DYNC2H1: variants seen among roughly 807,000 people sequenced by gnomAD.
DYNC2H1 encodes cytoplasmic dynein 2 heavy chain 1.
In DYNC2H1, 410 loss-of-function variants were observed where a neutral mutation model predicts 570.0. The ratio of observed to expected loss-of-function variants is 0.72; its 90% CI spans 0.66 to 0.78. The LOEUF (loss-of-function observed/expected upper bound fraction) is 0.78, where lower values mean the gene tolerates loss of function less well. Ranked by LOEUF, DYNC2H1 falls within the 30% of genes least tolerant of loss-of-function variation. The pLI is 0.00. For missense variants in DYNC2H1, 4,865 were observed against 5,046.4 expected (o/e 0.96, Z 1.09); for synonymous variants, 1,688 against 1,677.6 (o/e 1.01, Z -0.15).
chr11:103,152,506 A>C (rs1030778339), intron 21 of DYNC2H1, among the ~76,000 whole-genome samples: 1 of 152,118 alleles, frequency 6.6e-6, no homozygotes, highest in Non-Finnish European at 1.5e-5. Flanking sequence ...TGTCTTTGAA[A>C]TGTAACATTA....
intron 85 of DYNC2H1, among the ~76,000 whole-genome samples, chr11:103,452,465 T>A (rs1490249788): frequency 6.6e-6 from 1 of 152,038 alleles, no homozygotes; most frequent in Non-Finnish European, 1.5e-5. Context: ...TTTCATTGCT[T>A]ATAGCCAATA....
chr11:103,330,922 G>A (rs987848884), intron 82 of DYNC2H1, among the ~76,000 whole-genome samples: 9 of 152,190 alleles, frequency 5.9e-5, no homozygotes, highest in African/African-American at 2.2e-4. Flanking sequence ...AAGGAAGGCA[G>A]TTGTAGTCAA....
At chr11:103,304,441 T>A (rs1310015224) in intron 76 of DYNC2H1, among the ~76,000 whole-genome samples, 154 bp from the exon 77 acceptor site, 1 of 152,190 alleles carries the variant, frequency 6.6e-6, no homozygotes, top group East Asian at 1.9e-4. Flanking sequence ...TTAATGAAGA[T>A]TAATTTCTGG....
At chr11:103,174,215 T>A (rs1400907922) in intron 36 of DYNC2H1, 45 bp downstream of exon 36, 2 of 1,445,122 alleles carry the variant, frequency 1.4e-6, no homozygotes, top group African/African-American at 2.8e-5. Context: ...TTTAAAAACA[T>A]AAGCGTTAAT....
Position 103,472,140 on chromosome 11 carries a change from C to T in DYNC2H1, c.12765+3435C>T, listed in dbSNP as rs1421089439. 6.6e-6 allele frequency among the ~76,000 whole-genome samples: 1 copy of T among 152,066 alleles called. No homozygotes were observed. Among genetic ancestry groups the T allele is most frequent in the African/African-American group, 2.4e-5 (1 of 41,416 alleles). Reference sequence around the variant, plus strand: ...TCATATGGAAGAATGGTGGGGGATGCGGCCAGAAAGGAAGGCCAAGACCAA... The same window carrying T: ...TCATATGGAAGAATGGTGGGGGATGTGGCCAGAAAGGAAGGCCAAGACCAA... On this transcript the variant is annotated intron_variant, in intron 88 of 88. Coordinates refer to ENST00000375735, the MANE Select transcript of DYNC2H1 (RefSeq NM_001377.3). This position sits in a 1 kb window ranked among gnomAD's most constrained non-coding sequence, Gnocchi z 4.1.
At chr11:103,220,808 T>C (rs1333662813) in intron 57 of DYNC2H1, 25 bp downstream of exon 57, 1 of 1,587,314 alleles carries the variant, frequency 6.3e-7, no homozygotes, top group East Asian at 2.3e-5. Flanking sequence ...TTGTGAAAAA[T>C]ATTATTTCGG....
At chr11:103,387,150 T>C (rs930210159) in intron 83 of DYNC2H1, among the ~76,000 whole-genome samples, 2 of 152,182 alleles carry the variant, frequency 1.3e-5, no homozygotes, top group African/African-American at 4.8e-5. Flanking sequence ...CTCCACATCC[T>C]CTCCAGCACC....
intron 83 of DYNC2H1, among the ~76,000 whole-genome samples, chr11:103,359,896 G>A (rs1386512421): frequency 2.6e-5 from 4 of 151,866 alleles, no homozygotes; most frequent in South Asian, 2.1e-4. Context: ...AACTCCTGAC[G>A]TCAGGTGGTC....
chr11:103,423,489 AT>A (rs1247612398), intron 84 of DYNC2H1, among the ~76,000 whole-genome samples: 1 of 151,706 alleles, frequency 6.6e-6, no homozygotes, highest in Non-Finnish European at 1.5e-5. Context: ...CAAAGTAATC[AT>A]AAACATTAAT....
intron 87 of DYNC2H1, among the ~76,000 whole-genome samples, chr11:103,464,726 A>C (rs1374027614): frequency 6.6e-6 from 1 of 152,218 alleles, no homozygotes; most frequent in Non-Finnish European, 1.5e-5. Flanking sequence ...TAATTCAATA[A>C]TGAAAGCAAT....
chr11:103,314,870 C>T (rs1937728272), intron 79 of DYNC2H1, among the ~76,000 whole-genome samples: 1 of 152,024 alleles, frequency 6.6e-6, no homozygotes, highest in Middle Eastern at 3.4e-3. Context: ...AAATACTGAT[C>T]TTCAAGGTAT....
Position 103,479,279 on chromosome 11 carries a change from T to TCACAAAAGGC in DYNC2H1, c.*35_*36insCCACAAAAGG. On this transcript the variant is annotated 3_prime_UTR_variant, in exon 89 of 89. Coordinates refer to ENST00000375735, the MANE Select transcript of DYNC2H1 (RefSeq NM_001377.3). The stretch of plus-strand genomic sequence containing the variant: ...AATCTAATGACAACAAAAGCCATCT[T>TCACAAAAGGC]CACAAAAGGGAACATTGATTCTTTA... 1 of 1,596,942 alleles carries TCACAAAAGGC rather than the reference T, an allele frequency of 6.3e-7. No homozygotes were observed. The highest frequency in any genetic ancestry group is 8.5e-7 in the Non-Finnish European group (1 of 1,170,230).
chr11:103,170,039 A>T lies in DYNC2H1; in HGVS notation c.4969-69A>T, dbSNP rs1022002560. The T allele has an allele frequency of 3.8e-6, 5 of 1,323,798 alleles. No individual in the cohort carries two copies. The highest frequency in any genetic ancestry group is 1.5e-5 in the African/African-American group (1 of 66,292). 82.0% of individuals were successfully genotyped at this position (1,323,798 alleles called of 1,614,324 possible). On this transcript the variant is annotated intron_variant, in intron 32 of 88. Transcript: ENST00000375735. The surrounding 1 kb of genome is among the most constrained non-coding windows in gnomAD (Gnocchi z 4.8). Reference sequence around the variant, plus strand: ...TTTTTATCTTTTTAACTACAATCTCATGCTGTAAAAATATTTGTAAATGTT... The same window carrying T: ...TTTTTATCTTTTTAACTACAATCTCTTGCTGTAAAAATATTTGTAAATGTT...
chr11:103,288,428 G>A (rs1329689008), intron 75 of DYNC2H1, among the ~76,000 whole-genome samples: 1 of 151,924 alleles, frequency 6.6e-6, no homozygotes, highest in Non-Finnish European at 1.5e-5. Context: ...ACCTTGGGAA[G>A]GAATTTAGTT....
At chr11:103,378,626 T>C (rs1425574903) in intron 83 of DYNC2H1, among the ~76,000 whole-genome samples, 3 of 152,224 alleles carry the variant, frequency 2.0e-5, no homozygotes, top group Admixed American at 6.5e-5. Flanking sequence ...ATCAGTGGTG[T>C]CTGGCTCAAG....
intron 83 of DYNC2H1, among the ~76,000 whole-genome samples, chr11:103,377,439 G>A (rs1202140685): frequency 6.6e-6 from 1 of 151,762 alleles, no homozygotes; most frequent in Non-Finnish European, 1.5e-5. Flanking sequence ...TTTCAATAAA[G>A]TAACATCATA....
At position 103,335,624 on chromosome 11, in the gene DYNC2H1, C is replaced by T. The variant is rs533510235; in HGVS notation, c.12039+11634C>T. ...GCTAGAATTATATGAAATACGGTTA[C>T]TACATTTATTACAAACCAAACTATT... On this transcript the variant is annotated intron_variant, in intron 82 of 88. Coordinates refer to ENST00000375735, the MANE Select transcript of DYNC2H1 (RefSeq NM_001377.3). Among the ~76,000 whole-genome samples the T allele has an allele frequency of 2.6e-5, 4 of 152,164 alleles. No homozygotes were observed. In the South Asian group the frequency reaches 8.3e-4, roughly 32 times the overall value.
intron 70 of DYNC2H1, among the ~76,000 whole-genome samples, chr11:103,278,880 T>C (rs964418250): frequency 6.6e-6 from 1 of 152,214 alleles, no homozygotes; most frequent in Non-Finnish European, 1.5e-5. Flanking sequence ...TGTGGGTTCT[T>C]AATGCCCATG....
chr11:103,453,186 T>C (rs903927497), intron 85 of DYNC2H1, among the ~76,000 whole-genome samples: 1 of 152,062 alleles, frequency 6.6e-6, no homozygotes, highest in African/African-American at 2.4e-5. Flanking sequence ...AACCTAATCC[T>C]TTAAAAGGGG....
Sources: allele counts gnomAD v4.1 joint callset (sites outside exome capture counted in the v4.1 genomes callset), GRCh38; gene constraint gnomAD v4.1.1; non-coding constraint Gnocchi (gnomAD v3.1); transcripts MANE v1.5; gene names NCBI Gene and HGNC (gene_info 2026-07-23, HGNC 2026-07-21).